The following ZNF469 variants were observed in gnomAD, a reference collection of about 807,000 sequenced individuals.
ZNF469 encodes zinc finger protein 469.
ZNF469 carries 1 observed loss-of-function variant against 1.0 expected under a neutral mutation model. The ratio of observed to expected loss-of-function variants is 1.00; its 90% CI spans 0.35 to 4.73. ZNF469 has a LOEUF of 4.73. Among genes scored for constraint, ZNF469 ranks in the 30% most tolerant of loss-of-function variants. ZNF469 has a pLI of 0.16. For synonymous variants in ZNF469, 2,703 were observed against 2,363.4 expected (o/e 1.14, Z -4.17); for missense variants, 6,100 against 5,356.3 (o/e 1.14, Z -4.33).
the ZNF469 span, among the ~76,000 whole-genome samples, chr16:88,154,547 T>G: frequency 6.6e-6 from 1 of 152,206 alleles, no homozygotes; most frequent in Non-Finnish European, 1.5e-5. Context: ...CAGGCCACTG[T>G]GTTTCCTGAT....
the ZNF469 span, among the ~76,000 whole-genome samples, chr16:88,245,506 C>T: frequency 6.6e-6 from 1 of 152,230 alleles, no homozygotes; most frequent in Admixed American, 6.5e-5. Flanking sequence ...TGGAGATGAG[C>T]CCTGAGGCTG....
chr16:88,106,925 A>G, the ZNF469 span, among the ~76,000 whole-genome samples: 1 of 152,240 alleles, frequency 6.6e-6, no homozygotes, highest in African/African-American at 2.4e-5. Context: ...TTCGGTAGAA[A>G]CAGACCCCTC....
rs574630552 is a variant in ZNF469, at chr16:88,430,578, C to T, written c.3108C>T (p.Pro1036=). ...RRRRLPPRKD[P]RKRKARGGAW... Reference sequence around the variant, plus strand: ...GCCGGCTGCCCCCCAGGAAGGACCCCAGGAAGAGGAAGGCTCGGGGCGGCG... The same window carrying T: ...GCCGGCTGCCCCCCAGGAAGGACCCTAGGAAGAGGAAGGCTCGGGGCGGCG... The change falls in exon 3 of 3, where the codon CCC becomes CCT. Residue 1036 remains proline, a synonymous_variant. Coordinates refer to ENST00000565624, the MANE Select transcript of ZNF469 (RefSeq NM_001367624.2). 2.0e-6 allele frequency: 3 copies of T among 1,499,454 alleles called. No individual in the cohort carries two copies. In the Admixed American group the frequency reaches 6.4e-5, roughly 32 times the overall value. 92.9% of individuals were successfully genotyped at this position (1,499,454 alleles called of 1,614,324 possible). A position where few individuals can be genotyped will look rare whatever the true frequency, so the allele number is the denominator to read the frequency against.
chr16:88,152,135 G>A, the ZNF469 span, among the ~76,000 whole-genome samples: 10 of 152,334 alleles, frequency 6.6e-5, no homozygotes, highest in Non-Finnish European at 8.8e-5. This position sits in a 1 kb window ranked among gnomAD's most constrained non-coding sequence, Gnocchi z 4.2. Flanking sequence ...GAGGGCAGGC[G>A]TCTCAGGCTG....
the ZNF469 span, among the ~76,000 whole-genome samples, chr16:88,212,092 T>C: frequency 6.6e-6 from 1 of 152,256 alleles, no homozygotes; most frequent in Non-Finnish European, 1.5e-5. Context: ...AATTCTTATA[T>C]ATTTTGTCCT....
At chr16:88,347,294 A>G in the ZNF469 span, among the ~76,000 whole-genome samples, 3 of 152,116 alleles carry the variant, frequency 2.0e-5, no homozygotes, top group African/African-American at 7.2e-5. Flanking sequence ...ACACCCGTGC[A>G]CGGGCCCTTC....
Position 88,433,103 on chromosome 16 carries a change from T to G in ZNF469, c.5633T>G (p.Val1878Gly). 3.2e-6 allele frequency: 5 copies of G among 1,550,286 alleles called. No individual in the cohort carries two copies. Among genetic ancestry groups the G allele is most frequent in the East Asian group, 2.4e-5 (1 of 40,910 alleles). ...PRGREAWLVP[V>G]PSPACVSNTH... is the part of the protein sequence containing the mutation. ...GGCAGGGAGGCTTGGTTGGTCCCTG[T>G]GCCAAGTCCCGCCTGTGTATCCAAC... is the stretch of plus-strand genomic sequence containing the variant. The change falls in exon 3 of 3, where the codon GTG becomes GGG. Residue 1878 changes from valine (V) to glycine (G), a missense_variant. Transcript: ENST00000565624.
chr16:88,289,251 G>C, the ZNF469 span, among the ~76,000 whole-genome samples: 7,954 of 142,852 alleles, frequency 0.056, 701 homozygotes, highest in African/African-American at 0.2. Flanking sequence ...AGGTGATAAT[G>C]GCAACAGTGA....
In ZNF469 at chr16:88,433,813, C is replaced by T; in HGVS notation, c.6343C>T (p.Pro2115Ser). The T allele has an allele frequency of 6.5e-7, 1 of 1,549,882 alleles. No homozygotes were observed. The highest frequency in any genetic ancestry group is 8.7e-7 in the Non-Finnish European group (1 of 1,146,844). ...TGTCGGGGACCTGGCCGCCTGCGCC[C>T]CCTCACCCACTTCAGCCGCCCACAT... ...PSVGDLAACA[P>S]SPTSAAHMPC... Residue 2115 changes from proline (P) to serine (S), a missense_variant, in exon 3 of 3, where the codon CCC (proline) becomes TCC (serine). By Grantham distance (74) the Pro-to-Ser change is moderately conservative. Transcript: ENST00000565624.
rs571086007 is a variant in ZNF469, at chr16:88,434,434, A to G, written c.6964A>G (p.Met2322Val). 1.4e-5 allele frequency: 22 copies of G among 1,549,746 alleles called. No individual in the cohort carries two copies. The African/African-American group carries it at 2.5e-4, about 17-fold the overall frequency. Residue 2322 changes from methionine (M) to valine (V), a missense_variant, in exon 3 of 3, where the codon ATG becomes GTG. Met to Val is a conservative substitution (Grantham distance 21). Coordinates refer to ENST00000565624, the MANE Select transcript of ZNF469 (RefSeq NM_001367624.2). The stretch of plus-strand genomic sequence containing the variant: ...CCCGCCCCACACCAACCCTGACAGG[A>G]TGCCCAGGGGCCACTCCTCGTATTC... Reference protein sequence around the residue: ...GAPPHTNPDRMPRGHSSYSPS... With the variant: ...GAPPHTNPDRVPRGHSSYSPS...
the ZNF469 span, among the ~76,000 whole-genome samples, chr16:88,310,742 A>C: frequency 6.6e-6 from 1 of 151,878 alleles, no homozygotes; most frequent in Admixed American, 6.6e-5. Context: ...ACCATGCCCA[A>C]CTAATCTTAG....
the ZNF469 span, among the ~76,000 whole-genome samples, chr16:88,343,964 T>C: frequency 2.0e-5 from 3 of 152,080 alleles, no homozygotes; most frequent in Non-Finnish European, 4.4e-5. Flanking sequence ...TCCTTGACCA[T>C]CATGAGTCCT....
the ZNF469 span, among the ~76,000 whole-genome samples, chr16:88,160,909 G>A: frequency 1.3e-5 from 2 of 152,322 alleles, no homozygotes; most frequent in South Asian, 2.1e-4. Flanking sequence ...TTGGGAGGCC[G>A]AGGTGGGCGG....
At chr16:88,328,455 C>T in the ZNF469 span, among the ~76,000 whole-genome samples, 3 of 152,152 alleles carry the variant, frequency 2.0e-5, no homozygotes, top group South Asian at 2.1e-4. Context: ...GGGGCCTGGC[C>T]GCATGGCTAC....
chr16:88,430,933 C>A lies in ZNF469; in HGVS notation c.3463C>A (p.Pro1155Thr). ...CGGCGGGGACGGAGCCCCCGCGAAC[C>A]CCGAGGAGCCGGGCGGGTCTCGCCC... The part of the protein sequence containing the change: ...EAGGDGAPAN[P>T]EEPGGSRPGP... Residue 1155 changes from proline (P) to threonine (T), a missense_variant, in exon 3 of 3, where the codon CCC becomes ACC. Physicochemically the swap from Pro to Thr is conservative, Grantham distance 38 (BLOSUM62 -1). Transcript: ENST00000565624. The A allele has an allele frequency of 3.3e-6, 5 of 1,535,998 alleles. No individual in the cohort carries two copies. The highest frequency in any genetic ancestry group is 2.7e-5 in the African/African-American group (2 of 72,864).
intron 1 of ZNF469, among the ~76,000 whole-genome samples, chr16:88,416,869 T>C (rs1905315920): frequency 6.6e-6 from 1 of 152,244 alleles, no homozygotes; most frequent in Admixed American, 6.5e-5. Flanking sequence ...AGGGCTCCTC[T>C]TGGGGGACCA....
chr16:88,312,449 T>C, the ZNF469 span, among the ~76,000 whole-genome samples: 7 of 152,356 alleles, frequency 4.6e-5, 1 homozygote, highest in South Asian at 2.1e-4. Flanking sequence ...CTGTTTCTGA[T>C]ATATAAGTTG....
the ZNF469 span, among the ~76,000 whole-genome samples, chr16:88,254,657 C>T: frequency 2.0e-4 from 30 of 152,296 alleles, no homozygotes; most frequent in African/African-American, 6.3e-4. Flanking sequence ...ACTCCGGAGG[C>T]TGAGGCAGGA....
chr16:88,133,794 C>CAT, the ZNF469 span, among the ~76,000 whole-genome samples: 11 of 152,256 alleles, frequency 7.2e-5, no homozygotes, highest in African/African-American at 2.4e-4. Context: ...GTACATTATG[C>CAT]ATAAAAACGG....
Sources: gnomAD v4.1 joint callset for allele counts (sites outside exome capture counted in the v4.1 genomes callset) on GRCh38, gnomAD v4.1.1 for gene constraint, Gnocchi (gnomAD v3.1) non-coding constraint, MANE v1.5 for transcripts, NCBI Gene and HGNC (gene_info 2026-07-23, HGNC 2026-07-21) for gene names.